Variants in RBFOX1 observed in about 807,000 individuals in gnomAD.
RBFOX1 encodes the protein RNA binding fox-1 homolog 1.
Under a neutral mutation model 57.7 loss-of-function variants are expected in RBFOX1, and 8 were observed. The ratio of observed to expected loss-of-function variants is 0.14; its 90% CI spans 0.08 to 0.25. The LOEUF (loss-of-function observed/expected upper bound fraction) is 0.25, where lower values mean the gene tolerates loss of function less well. Ranked by LOEUF, RBFOX1 falls within the 10% of genes least tolerant of loss-of-function variation. RBFOX1 has a pLI of 1.00. For synonymous variants in RBFOX1, 326 were observed against 222.4 expected, an observed-to-expected ratio of 1.47 and a Z score of -4.15; for missense variants, 611 against 548.5, an observed-to-expected ratio of 1.11 and a Z score of -1.14.
intron 3 of RBFOX1, among the ~76,000 whole-genome samples, chr16:6,827,658 C>A (rs9302831): frequency 6.6e-6 from 1 of 151,888 alleles, no homozygotes; most frequent in Non-Finnish European, 1.5e-5. Flanking sequence ...CCCCTCCTCA[C>A]CCTTTTGAGG....
At chr16:5,268,506 T>G (rs573894845) in intron 1 of RBFOX1, among the ~76,000 whole-genome samples, 43 of 152,360 alleles carry the variant, frequency 2.8e-4, no homozygotes, top group Non-Finnish European at 5.9e-5. Flanking sequence ...ATTCATAAAG[T>G]TTAGCAGTCA....
rs2080771032 is a variant in RBFOX1 at position 6,780,476 on chromosome 16, T to TTATAGATATA, written c.-16+125827_-16+125828insATAGATATAT. 2.9e-5 allele frequency among the ~76,000 whole-genome samples: 3 copies of TTATAGATATA among 101,704 alleles called. No homozygotes were observed. In the South Asian group the frequency reaches 1.0e-3, roughly 34 times the overall value. 66.7% of individuals were successfully genotyped at this position (101,704 alleles called of 152,430 possible). Reference sequence around the variant, plus strand: ...CATTTTTATATATATTTATATACATTTTTATATATATTTATATACATTTTT... The same window carrying TTATAGATATA: ...CATTTTTATATATATTTATATACATTTATAGATATATTTATATATATTTATATACATTTTT... On this transcript the variant is annotated intron_variant, in intron 3 of 15. Coordinates refer to ENST00000550418, the MANE Select transcript of RBFOX1 (RefSeq NM_018723.4).
At chr16:5,864,611 A>G (rs1277607838) in intron 3 of RBFOX1, among the ~76,000 whole-genome samples, 1 of 151,898 alleles carries the variant, frequency 6.6e-6, no homozygotes, top group Non-Finnish European at 1.5e-5. Context: ...TTTTTCATTA[A>G]CAATATATGC....
intron 3 of RBFOX1, among the ~76,000 whole-genome samples, chr16:6,814,041 A>C (rs547351876): frequency 6.7e-6 from 1 of 150,136 alleles, no homozygotes; most frequent in African/African-American, 2.4e-5. Flanking sequence ...AGATTCAAAC[A>C]TAACAACTTG....
intron 3 of RBFOX1, among the ~76,000 whole-genome samples, chr16:5,782,412 A>G (rs2054352940): frequency 6.6e-6 from 1 of 152,188 alleles, no homozygotes; most frequent in Non-Finnish European, 1.5e-5. Context: ...TTATAATGAC[A>G]TTAATGCATT....
rs1035920992 is a variant in RBFOX1, at chr16:6,749,944, A to C, written c.-16+95294A>C. Among the ~76,000 whole-genome samples the C allele has an allele frequency of 2.6e-5, 4 of 152,306 alleles. No homozygotes were observed. In the South Asian group the frequency reaches 8.3e-4, roughly 32 times the overall value. The stretch of plus-strand genomic sequence containing the variant: ...CCAAGCTGACTGTGTCAGGGTGTTC[A>C]GAGTTAGTAGGCACACAAATGAAAA... On this transcript the variant is annotated intron_variant, in intron 3 of 15. Transcript: ENST00000550418.
At chr16:7,409,519 G>T (rs990550833) in intron 4 of RBFOX1, among the ~76,000 whole-genome samples, 7 of 152,180 alleles carry the variant, frequency 4.6e-5, no homozygotes, top group African/African-American at 1.4e-4. Context: ...GTTGCCAGTT[G>T]TTCCTGGTTT....
chr16:6,615,903 C>A (rs765436417), intron 2 of RBFOX1, among the ~76,000 whole-genome samples: 1 of 152,172 alleles, frequency 6.6e-6, no homozygotes, highest in African/African-American at 2.4e-5. Context: ...ACGCATCTCC[C>A]CATCCCTCAT....
At chr16:7,520,078 G>C (rs1162335744) in intron 5 of RBFOX1, among the ~76,000 whole-genome samples, 1 of 152,042 alleles carries the variant, frequency 6.6e-6, no homozygotes, top group Non-Finnish European at 1.5e-5. Flanking sequence ...GTAGAGACGG[G>C]ATTTCACTGT....
chr16:5,956,325 A>G (rs1004331953), intron 4 of RBFOX1, among the ~76,000 whole-genome samples: 6 of 152,136 alleles, frequency 3.9e-5, no homozygotes, highest in African/African-American at 1.4e-4. Context: ...TAAAATTTGA[A>G]TTTTACATAA....
intron 3 of RBFOX1, among the ~76,000 whole-genome samples, chr16:5,788,250 C>G (rs2054575434): frequency 6.6e-6 from 1 of 152,168 alleles, no homozygotes; most frequent in South Asian, 2.1e-4. Context: ...GCATATGTCA[C>G]CCTTTCCATT....
chr16:5,654,549 C>A (rs1596606667), intron 3 of RBFOX1, among the ~76,000 whole-genome samples: 1 of 152,128 alleles, frequency 6.6e-6, no homozygotes, highest in African/African-American at 2.4e-5. Context: ...AAGCACAGGA[C>A]TTTCTGGTTC....
intron 2 of RBFOX1, among the ~76,000 whole-genome samples, chr16:6,529,692 G>T (rs1422113657): frequency 6.6e-6 from 1 of 152,034 alleles, no homozygotes; most frequent in Non-Finnish European, 1.5e-5. Flanking sequence ...AACCATTAGT[G>T]ATTTATTGCT....
chr16:6,021,735 G>T (rs917136567), intron 1 of RBFOX1, among the ~76,000 whole-genome samples: 2 of 152,206 alleles, frequency 1.3e-5, no homozygotes, highest in Non-Finnish European at 2.9e-5. Context: ...TTCTGGATCC[G>T]TTATCTGCCA....
chr16:7,318,795 C>A (rs940213969), intron 4 of RBFOX1, among the ~76,000 whole-genome samples: 7 of 152,268 alleles, frequency 4.6e-5, no homozygotes, highest in African/African-American at 1.7e-4. Context: ...CCCCCCATCT[C>A]TCCATGTGTT....
chr16:6,729,408 C>T (rs1019499542), intron 3 of RBFOX1, among the ~76,000 whole-genome samples: 1 of 152,188 alleles, frequency 6.6e-6, no homozygotes, highest in South Asian at 2.1e-4. Flanking sequence ...CTTTTATCTT[C>T]TGCAGTCTTA....
intron 3 of RBFOX1, among the ~76,000 whole-genome samples, chr16:6,763,158 A>G (rs961598815): frequency 7.2e-5 from 11 of 152,198 alleles, no homozygotes; most frequent in Non-Finnish European, 1.0e-4. Context: ...AAACTGCCCA[A>G]TTTATCTTTG....
intron 4 of RBFOX1, among the ~76,000 whole-genome samples, chr16:7,261,072 A>G (rs1166848416): frequency 6.6e-6 from 1 of 152,172 alleles, no homozygotes; most frequent in Non-Finnish European, 1.5e-5. Flanking sequence ...CCCAAAATGG[A>G]CAATAAAGGA....
At chr16:7,267,426 C>G (rs2095187671) in intron 4 of RBFOX1, among the ~76,000 whole-genome samples, 1 of 151,632 alleles carries the variant, frequency 6.6e-6, no homozygotes, top group South Asian at 2.1e-4. Flanking sequence ...ATCCCAGTTA[C>G]TTGAGAGGCT....
Sources: allele counts gnomAD v4.1 joint callset (sites outside exome capture counted in the v4.1 genomes callset), GRCh38; gene constraint gnomAD v4.1.1; transcripts MANE v1.5; gene names NCBI Gene and HGNC (gene_info 2026-07-23, HGNC 2026-07-21).